Variants in CELF2 observed in about 807,000 individuals in gnomAD.
CELF2 encodes CUG triplet repeat RNA-binding protein 2.
CELF2 carries 8 observed loss-of-function variants against 62.6 expected under a neutral mutation model. That is an observed-to-expected ratio of 0.13 (90% CI 0.07 to 0.23). CELF2 has a LOEUF of 0.23. Among genes scored for constraint, CELF2 ranks in the 10% least tolerant of loss-of-function variants. CELF2 has a pLI of 1.00. For synonymous variants in CELF2, 258 were observed against 250.0 expected (o/e 1.03, Z -0.30); for missense variants, 333 against 671.0 (o/e 0.50, Z 5.56).
chr10:10,732,617 G>A, the CELF2 span, among the ~76,000 whole-genome samples: 1 of 150,566 alleles, frequency 6.6e-6, no homozygotes, highest in East Asian at 2.0e-4. Context: ...TCTGTCTCCC[G>A]GGTTCAAGCG....
chr10:10,918,503 A>G (rs1312293929), intron 1 of CELF2, among the ~76,000 whole-genome samples: 2 of 152,252 alleles, frequency 1.3e-5, no homozygotes, highest in African/African-American at 2.4e-5. Flanking sequence ...CTAAGGAAGT[A>G]TGGCTCTGTT....
Position 11,290,324 on chromosome 10 carries a change from C to G in CELF2, c.976+1772C>G, listed in dbSNP as rs558734138. On this transcript the variant is annotated intron_variant, in intron 9 of 12. Coordinates refer to ENST00000633077, the MANE Select transcript of CELF2 (RefSeq NM_001326342.2). The surrounding 1 kb of genome is among the most constrained non-coding windows in gnomAD (Gnocchi z 4.3). ...GACCTTTGAGCAGAGACCTGAGTTC[C>G]GTGACGGAAGCCATGGCGCGTGTTG... Among the ~76,000 whole-genome samples the G allele has an allele frequency of 6.6e-6, 1 of 152,078 alleles. No homozygotes were observed. The highest frequency in any genetic ancestry group is 1.5e-5 in the Non-Finnish European group (1 of 68,014).
chr10:11,162,880 A>T (rs1029883353), intron 1 of CELF2, among the ~76,000 whole-genome samples: 2 of 152,174 alleles, frequency 1.3e-5, no homozygotes, highest in Non-Finnish European at 2.9e-5. Context: ...GGAGTCCGCT[A>T]TACCCATTTT....
chr10:10,578,681 C>T, the CELF2 span, among the ~76,000 whole-genome samples: 182 of 152,218 alleles, frequency 1.2e-3, 4 homozygotes, highest in South Asian at 0.031. Context: ...TTACCCAAAC[C>T]TGCATTTCTC....
intron 2 of CELF2, chr10:10,924,155 G>C (rs370175653): frequency 6.6e-6 from 1 of 151,478 alleles, no homozygotes; most frequent in Non-Finnish European, 1.5e-5. Context: ...GGTGGCGGGC[G>C]CCTGTAGTCC....
chr10:10,783,970 G>C, the CELF2 span, among the ~76,000 whole-genome samples: 4 of 151,836 alleles, frequency 2.6e-5, no homozygotes, highest in Non-Finnish European at 5.9e-5. Context: ...CCTGGTGGCA[G>C]AGCAAGACTC....
intron 1 of CELF2, among the ~76,000 whole-genome samples, chr10:10,854,660 C>A (rs2059597820): frequency 6.6e-6 from 1 of 152,114 alleles, no homozygotes; most frequent in African/African-American, 2.4e-5. Flanking sequence ...TGCTGCCTCT[C>A]CAGTGCACAG....
At chr10:10,548,702 A>G in the CELF2 span, among the ~76,000 whole-genome samples, 1 of 152,260 alleles carries the variant, frequency 6.6e-6, no homozygotes, top group Non-Finnish European at 1.5e-5. Context: ...TTTGAGCTTT[A>G]AGTTATATAA....
At chr10:10,746,542 G>A in the CELF2 span, among the ~76,000 whole-genome samples, 4 of 152,134 alleles carry the variant, frequency 2.6e-5, no homozygotes, top group African/African-American at 9.7e-5. Context: ...TCTGAAGGAG[G>A]CCAAGCCTGA....
At chr10:10,582,821 TG>T in the CELF2 span, among the ~76,000 whole-genome samples, 1 of 152,204 alleles carries the variant, frequency 6.6e-6, no homozygotes, top group Non-Finnish European at 1.5e-5. Context: ...TGCCAGTCTT[TG>T]CTTTCAATGA....
At chr10:11,310,785 C>T (rs1053278435) in intron 9 of CELF2, among the ~76,000 whole-genome samples, 6 of 151,530 alleles carry the variant, frequency 4.0e-5, no homozygotes, top group Admixed American at 3.3e-4. Context: ...GGCAGTTAGG[C>T]AGACTAGATT....
chr10:10,682,089 G>A, the CELF2 span, among the ~76,000 whole-genome samples: 1 of 152,152 alleles, frequency 6.6e-6, no homozygotes, highest in East Asian at 1.9e-4. Flanking sequence ...TCATTCAATT[G>A]ATATGGTAAA....
At chr10:11,225,537 G>A (rs887852611) in intron 3 of CELF2, among the ~76,000 whole-genome samples, 2 of 152,224 alleles carry the variant, frequency 1.3e-5, no homozygotes, top group Non-Finnish European at 2.9e-5. Context: ...GTAGACAAAC[G>A]TGGATTATTC....
intron 2 of CELF2, among the ~76,000 whole-genome samples, chr10:11,175,970 GT>G (rs1296525805): frequency 1.1e-4 from 17 of 152,304 alleles, no homozygotes; most frequent in East Asian, 3.9e-4. Flanking sequence ...CCAGTTTCGG[GT>G]TAGCCATGTC....
In CELF2 at chr10:10,997,822, G is replaced by A. The variant is rs536267728; in HGVS notation, c.89+77823G>A. Among the ~76,000 whole-genome samples the A allele has an allele frequency of 3.9e-5, 6 of 152,190 alleles. No individual in the cohort carries two copies. The highest frequency in any genetic ancestry group is 2.1e-4 in the South Asian group (1 of 4,820). ...TCCCACTGCCCTTCCTTCCTGTCTC[G>A]AGACTCTTCCAAGTTCTGAGTCCAT... On this transcript the variant is annotated intron_variant, in intron 2 of 13. Transcript: ENST00000636488. The surrounding 1 kb of genome is among the most constrained non-coding windows in gnomAD (Gnocchi z 5.3).
At chr10:10,492,969 C>T in the CELF2 span, among the ~76,000 whole-genome samples, 9 of 152,208 alleles carry the variant, frequency 5.9e-5, no homozygotes, top group Admixed American at 6.5e-5. Context: ...CTTTCACCTC[C>T]TGCCGTGATT....
At chr10:11,222,863 T>C (rs542282331) in intron 3 of CELF2, among the ~76,000 whole-genome samples, 57 of 152,266 alleles carry the variant, frequency 3.7e-4, no homozygotes, top group Non-Finnish European at 6.9e-4. Flanking sequence ...ATCACATGTA[T>C]GTGTGTTTAG....
chr10:11,291,599 G>A (rs756899696), intron 9 of CELF2, among the ~76,000 whole-genome samples: 8 of 152,062 alleles, frequency 5.3e-5, no homozygotes, highest in South Asian at 4.1e-4. Context: ...AGTTTCTCAC[G>A]GGTCTTTTGA....
At chr10:10,644,402 CGTGTGTGTGT>C in the CELF2 span, among the ~76,000 whole-genome samples, 1 of 149,854 alleles carries the variant, frequency 6.7e-6, no homozygotes, top group Non-Finnish European at 1.5e-5. Flanking sequence ...AGTGTGTGTT[CGTGTGTGTGT>C]GTGTGTGTGT....
Sources: allele counts gnomAD v4.1 joint callset (sites outside exome capture counted in the v4.1 genomes callset), GRCh38; gene constraint gnomAD v4.1.1; non-coding constraint Gnocchi (gnomAD v3.1); transcripts MANE v1.5; gene names NCBI Gene and HGNC (gene_info 2026-07-23, HGNC 2026-07-21).